Variants in AXDND1 observed in about 807,000 individuals in gnomAD.
The protein encoded by AXDND1 is axonemal dynein light chain domain containing 1, also known as axonemal dynein light chain domain-containing protein 1.
Under a neutral mutation model 137.5 loss-of-function variants are expected in AXDND1, and 110 were observed. The ratio of observed to expected loss-of-function variants is 0.80; its 90% CI spans 0.69 to 0.94. AXDND1 has a LOEUF of 0.94. Among genes scored for constraint, AXDND1 ranks in the 40% least tolerant of loss-of-function variants. AXDND1 has a pLI of 0.00. For synonymous variants in AXDND1, 414 were observed against 399.7 expected (o/e 1.04, Z -0.43); for missense variants, 1,191 against 1,169.8 (o/e 1.02, Z -0.26).
At chr1:179,461,782 G>A (rs1444847425) in intron 16 of AXDND1, among the ~76,000 whole-genome samples, 2 of 152,098 alleles carry the variant, frequency 1.3e-5, no homozygotes, top group Non-Finnish European at 1.5e-5. Flanking sequence ...TTGTAAGTTG[G>A]ATTCCTAGGT....
In AXDND1 at chr1:179,380,331, T is replaced by C. The variant is rs1648057738; in HGVS notation, c.581+849T>C. Among the ~76,000 whole-genome samples, 10 of 152,310 alleles carry C rather than the reference T, an allele frequency of 6.6e-5. No homozygotes were observed. The South Asian group carries it at 2.1e-3, about 32-fold the overall frequency. On this transcript the variant is annotated intron_variant, in intron 6 of 25. Transcript: ENST00000367618. Reference sequence around the variant, plus strand: ...AAGTACTTAAAAGAGTTTGGGATGTTAGTGATTAAATTATTCATATTTTTT... The same window carrying C: ...AAGTACTTAAAAGAGTTTGGGATGTCAGTGATTAAATTATTCATATTTTTT...
intron 17 of AXDND1, among the ~76,000 whole-genome samples, chr1:179,470,895 G>A (rs1663840451): frequency 6.6e-6 from 1 of 151,970 alleles, no homozygotes; most frequent in South Asian, 2.1e-4. Context: ...TTTCCTAGAT[G>A]CCTTTTATTG....
At chr1:179,526,389 A>G (rs2125688725) in intron 22 of AXDND1, among the ~76,000 whole-genome samples, 1 of 152,304 alleles carries the variant, frequency 6.6e-6, no homozygotes, top group South Asian at 2.1e-4. Flanking sequence ...TTTTACAGAT[A>G]AGAAAACTGA....
chr1:179,541,483 T>TTG (rs201172603), intron 25 of AXDND1, among the ~76,000 whole-genome samples: 10 of 148,858 alleles, frequency 6.7e-5, no homozygotes, highest in East Asian at 2.2e-4. Flanking sequence ...GTTTTTGTTT[T>TTG]TTTTTTTTTT....
chr1:179,455,073 G>T (rs1249232667), intron 16 of AXDND1: 1 of 150,132 alleles, frequency 6.7e-6, no homozygotes, highest in Non-Finnish European at 1.5e-5. Context: ...TCCCGCCTGG[G>T]CGACAGAATG....
chr1:179,515,142 T>C (rs1669412950), intron 21 of AXDND1, among the ~76,000 whole-genome samples: 1 of 152,178 alleles, frequency 6.6e-6, no homozygotes, highest in South Asian at 2.1e-4. Flanking sequence ...TTTTTATTTT[T>C]GCTTTTTAAA....
chr1:179,382,863 C>A, intron 7 of AXDND1, 107 bp downstream of exon 7: 1 of 814,116 alleles, frequency 1.2e-6, no homozygotes, highest in Non-Finnish European at 1.9e-6. Flanking sequence ...AGCAGCAACC[C>A]AAGGCAATAA....
chr1:179,455,969 A>G (rs2125417748), intron 16 of AXDND1: 1 of 283,548 alleles, frequency 3.5e-6, no homozygotes, highest in Non-Finnish European at 6.9e-6. Flanking sequence ...AAAAAAAACT[A>G]CATTAAAACC....
intron 15 of AXDND1, among the ~76,000 whole-genome samples, chr1:179,439,979 A>G (rs952814675): frequency 3.9e-5 from 6 of 152,058 alleles, no homozygotes; most frequent in African/African-American, 1.2e-4. Flanking sequence ...TATCCGTAAC[A>G]TTTTCGGATA....
chr1:179,461,595 T>C (rs1014773122), intron 16 of AXDND1, among the ~76,000 whole-genome samples: 1 of 152,158 alleles, frequency 6.6e-6, no homozygotes, highest in Non-Finnish European at 1.5e-5. Flanking sequence ...AAGAAAGTCA[T>C]TGGTAGCTTG....
At chr1:179,405,683 T>G (rs1652848925) in intron 11 of AXDND1, among the ~76,000 whole-genome samples, 1 of 151,748 alleles carries the variant, frequency 6.6e-6, no homozygotes, top group Non-Finnish European at 1.5e-5. Context: ...TTCATGATTA[T>G]ATTTCAGTGG....
rs530413884 is a variant in AXDND1, at chr1:179,500,781, A to G, written c.2388+7830A>G. Among the ~76,000 whole-genome samples, 221 of 152,316 alleles carry G rather than the reference A, an allele frequency of 1.5e-3. 1 individual carries two copies. Among genetic ancestry groups the G allele is most frequent in the African/African-American group, 5.1e-3 (210 of 41,578 alleles). ...CTGCCTCTCGGGTTCAAGAGATTCT[A>G]GTGCCTCAGCTTCCTGAGTAGCCGG... On this transcript the variant is annotated intron_variant, in intron 20 of 25. Transcript: ENST00000367618.
At chr1:179,367,943 T>A (rs1057127978) in intron 2 of AXDND1, among the ~76,000 whole-genome samples, 9 of 152,038 alleles carry the variant, frequency 5.9e-5, no homozygotes, top group Non-Finnish European at 8.8e-5. Flanking sequence ...CACCTGCACC[T>A]TGTACTAAAA....
chr1:179,377,613 A>G (rs530978223), intron 4 of AXDND1, among the ~76,000 whole-genome samples: 2 of 152,246 alleles, frequency 1.3e-5, no homozygotes, highest in South Asian at 4.1e-4. Flanking sequence ...TGTTTTATTA[A>G]ACTTCTTATT....
intron 12 of AXDND1, among the ~76,000 whole-genome samples, chr1:179,426,763 A>G (rs1656628076): frequency 6.6e-6 from 1 of 152,254 alleles, no homozygotes; most frequent in Non-Finnish European, 1.5e-5. Context: ...TGTTGTAGAT[A>G]TATATGTATG....
chr1:179,397,182 G>A (rs114447082), intron 11 of AXDND1, among the ~76,000 whole-genome samples: 3,053 of 152,248 alleles, frequency 0.02, 108 homozygotes, highest in African/African-American at 0.069. Flanking sequence ...AGATCTGGTG[G>A]TAATGAATTT....
intron 14 of AXDND1, among the ~76,000 whole-genome samples, chr1:179,431,324 TACAG>T (rs956674015): frequency 2.6e-5 from 4 of 151,988 alleles, no homozygotes; most frequent in African/African-American, 9.7e-5. Context: ...GTATTTTTAG[TACAG>T]ACAGAGTTTT....
Position 179,445,087 on chromosome 1 carries a change from A to C in AXDND1, c.1681A>C (p.Asn561His), listed in dbSNP as rs144384561. The change falls in exon 16 of 26, where the codon AAT (asparagine) becomes CAT (histidine). Residue 561 changes from asparagine to histidine, a missense_variant. Asn to His is a moderately conservative substitution (Grantham distance 68). Transcript: ENST00000367618. ...GGCAGATATTGGGCTTGGGATATTT[A>C]ATCGGCATAAAAGTTTGGAGGGGGA... is the stretch of plus-strand genomic sequence containing the variant. ...NWADIGLGIFNRHKSLEGEMP... is the reference protein window; with the variant it reads ...NWADIGLGIFHRHKSLEGEMP... 1.4e-5 allele frequency: 23 copies of C among 1,613,640 alleles called. No individual in the cohort carries two copies. The African/African-American group carries it at 2.8e-4, about 20-fold the overall frequency.
intron 17 of AXDND1, among the ~76,000 whole-genome samples, chr1:179,480,024 C>T (rs1233115259): frequency 6.6e-6 from 1 of 152,172 alleles, no homozygotes; most frequent in African/African-American, 2.4e-5. Flanking sequence ...CAACAAGTGT[C>T]TAGGAAGTTC....
Sources: gnomAD v4.1 joint callset for allele counts (sites outside exome capture counted in the v4.1 genomes callset) on GRCh38, gnomAD v4.1.1 for gene constraint, MANE v1.5 for transcripts, NCBI Gene and HGNC (gene_info 2026-07-23, HGNC 2026-07-21) for gene names.